Variants in ADCY5 observed in about 807,000 individuals in gnomAD.
ADCY5 encodes the protein adenylate cyclase 5, also known as adenylate cyclase type 5.
In ADCY5, 30 loss-of-function variants were observed where a neutral mutation model predicts 119.7. The ratio of observed to expected loss-of-function variants is 0.25; its 90% CI spans 0.19 to 0.34. The LOEUF is 0.34. Ranked by LOEUF, ADCY5 falls within the 10% of genes least tolerant of loss-of-function variation. The probability of loss-of-function intolerance (pLI) is 1.00; values close to 1 mark genes in which losing one functional copy is unlikely to be tolerated. For missense variants in ADCY5, 1,324 were observed against 1,775.2 expected (o/e 0.75, Z 4.57); for synonymous variants, 753 against 762.2 (o/e 0.99, Z 0.20).
At chr3:123,342,556 C>A (rs1942343005) in intron 3 of ADCY5, among the ~76,000 whole-genome samples, 1 of 152,166 alleles carries the variant, frequency 6.6e-6, no homozygotes, top group Non-Finnish European at 1.5e-5. Flanking sequence ...GTTGGTGAAC[C>A]AAGATCCCCC....
chr3:123,349,316 C>T (rs1474118373), intron 2 of ADCY5, among the ~76,000 whole-genome samples: 4 of 152,204 alleles, frequency 2.6e-5, no homozygotes, highest in East Asian at 3.8e-4. Context: ...CCCTCTGACA[C>T]TCATTCCTTT....
chr3:123,447,837 G>A lies in ADCY5; in HGVS notation c.709C>T (p.Leu237=). The part of the protein sequence containing the change: ...ERLYQRYFFR[L]NQSSLTMLMA... ...AGCATGGTGAGGCTGCTCTGGTTCA[G>A]GCGGAAGAAGTAGCGCTGGTACAGC... Residue 237 remains leucine, a synonymous_variant, in exon 1 of 21, where the codon CTG becomes TTG. Coordinates refer to ENST00000462833, the MANE Select transcript of ADCY5 (RefSeq NM_183357.3). 1 of 1,612,802 alleles carries A rather than the reference G, an allele frequency of 6.2e-7. No individual in the cohort carries two copies. Among genetic ancestry groups the A allele is most frequent in the Non-Finnish European group, 8.5e-7 (1 of 1,179,734 alleles).
chr3:123,437,505 T>A (rs1945640506), intron 1 of ADCY5, among the ~76,000 whole-genome samples: 1 of 152,124 alleles, frequency 6.6e-6, no homozygotes, highest in African/African-American at 2.4e-5. Context: ...CCTTCTCTTA[T>A]CCCAGTTTCT....
At chr3:123,302,730 G>A (rs977244050) in intron 14 of ADCY5, among the ~76,000 whole-genome samples, 10 of 152,316 alleles carry the variant, frequency 6.6e-5, no homozygotes, top group Non-Finnish European at 1.2e-4. Context: ...TCTCTACAAA[G>A]GAGATAATAT....
intron 3 of ADCY5, among the ~76,000 whole-genome samples, chr3:123,344,344 C>A (rs1488140491): frequency 6.6e-6 from 1 of 152,192 alleles, no homozygotes; most frequent in East Asian, 1.9e-4. Context: ...ATCCCCAGGC[C>A]TTTCTTTGTT....
intron 18 of ADCY5, among the ~76,000 whole-genome samples, chr3:123,290,184 C>T (rs992341107): frequency 1.3e-5 from 2 of 152,142 alleles, no homozygotes; most frequent in African/African-American, 4.8e-5. Flanking sequence ...GGCTACCTGC[C>T]CACCCTCACG....
intron 1 of ADCY5, among the ~76,000 whole-genome samples, chr3:123,365,890 G>A (rs1322173621): frequency 2.0e-5 from 3 of 152,072 alleles, no homozygotes; most frequent in Non-Finnish European, 4.4e-5. Flanking sequence ...AGAGGCAGAG[G>A]GAGGGGAGGG....
At chr3:123,403,781 C>T (rs933383212) in intron 1 of ADCY5, among the ~76,000 whole-genome samples, 12 of 152,216 alleles carry the variant, frequency 7.9e-5, no homozygotes, top group African/African-American at 1.9e-4. Context: ...CTCACACATC[C>T]GCCCTGCATG....
intron 8 of ADCY5, among the ~76,000 whole-genome samples, chr3:123,323,772 G>T (rs2108363748): frequency 6.6e-6 from 1 of 152,272 alleles, no homozygotes; most frequent in African/African-American, 2.4e-5. Flanking sequence ...TGATCCTCCT[G>T]CCTCAGCCTC....
chr3:123,379,049 T>C (rs1239830567), intron 1 of ADCY5, among the ~76,000 whole-genome samples: 2 of 152,084 alleles, frequency 1.3e-5, no homozygotes, highest in Admixed American at 6.5e-5. Flanking sequence ...GTTCTCAGAG[T>C]TTCCTACCCT....
chr3:123,389,964 T>A (rs909550930), intron 1 of ADCY5, among the ~76,000 whole-genome samples: 2 of 151,432 alleles, frequency 1.3e-5, no homozygotes, highest in African/African-American at 4.9e-5. Flanking sequence ...AGAGGAGAGG[T>A]ACAATGAGGG....
chr3:123,448,048 C>G lies in ADCY5; in HGVS notation c.498G>C (p.Lys166Asn), dbSNP rs1217095319. ...VEVGLEERRG[K>N]GRAADELEAG... Reference sequence around the variant, plus strand: ...CCTCCAGCTCGTCGGCCGCGCGCCCCTTGCCCCGCCGCTCCTCCAGACCCA... The same window carrying G: ...CCTCCAGCTCGTCGGCCGCGCGCCCGTTGCCCCGCCGCTCCTCCAGACCCA... The change falls in exon 1 of 21, where the codon AAG (lysine) becomes AAC (asparagine). Residue 166 changes from lysine (K) to asparagine (N), a missense_variant. Lys to Asn is a moderately conservative substitution (Grantham distance 94). Around this residue, in one of 6 missense-constraint regions of ADCY5, gnomAD observed 585 missense variants for 569.9 expected, o/e 1.03. Coordinates refer to ENST00000462833, the MANE Select transcript of ADCY5 (RefSeq NM_183357.3). 6.1e-5 allele frequency: 76 copies of G among 1,240,156 alleles called. No individual in the cohort carries two copies. The highest frequency in any genetic ancestry group is 7.3e-5 in the Non-Finnish European group (72 of 991,910). The allele number at this position is 1,240,156 out of a possible 1,614,324, so 76.8% of individuals were successfully genotyped here.
At chr3:123,290,237 CTT>C (rs1285444264) in intron 18 of ADCY5, among the ~76,000 whole-genome samples, 1 of 152,170 alleles carries the variant, frequency 6.6e-6, no homozygotes, top group East Asian at 1.9e-4. Flanking sequence ...CTCTGGGTCT[CTT>C]GTCTCCCCTT....
rs772422115 is a variant in ADCY5, at chr3:123,286,842, C to T, written c.3533-33G>A. The T allele has an allele frequency of 2.6e-6, 4 of 1,562,764 alleles. No individual in the cohort carries two copies. The Admixed American group carries it at 7.6e-5, about 30-fold the overall frequency. ...GGACAGGAATCAGCCACAGTCATCA[C>T]ATCTCTGGCTTGACCTTGCCACCAT... On this transcript the variant is annotated intron_variant, in intron 19 of 20. Coordinates refer to ENST00000462833, the MANE Select transcript of ADCY5 (RefSeq NM_183357.3). The surrounding 1 kb of genome is among the most constrained non-coding windows in gnomAD (Gnocchi z 4.2).
Position 123,327,642 on chromosome 3 carries a change from G to A in ADCY5, c.1923C>T (p.Leu641=), listed in dbSNP as rs748003273. ...YLKEHSIETF[L]ILRCTQKRKE... is the part of the protein sequence containing the mutation. Reference sequence around the variant, plus strand: ...CCCGCTTCTGGGTGCAGCGCAGGATGAGGAAGGTCTCGATACTGTGCTCCT... The same window carrying A: ...CCCGCTTCTGGGTGCAGCGCAGGATAAGGAAGGTCTCGATACTGTGCTCCT... The change falls in exon 7 of 21, where the codon CTC becomes CTT. Residue 641 remains leucine, a synonymous_variant. Transcript: ENST00000462833. 2.5e-5 allele frequency: 40 copies of A among 1,613,970 alleles called. No individual in the cohort carries two copies. In the African/African-American group the frequency reaches 4.0e-4, roughly 16 times the overall value.
chr3:123,290,815 AAC>A (rs1939098389), intron 18 of ADCY5, among the ~76,000 whole-genome samples: 2 of 152,108 alleles, frequency 1.3e-5, no homozygotes, highest in African/African-American at 4.8e-5. Context: ...GCTAAGTTCA[AAC>A]AGTGTGGGCT....
rs894806022 is a variant in ADCY5, at chr3:123,286,941, T to C, written c.3533-132A>G. Reference sequence around the variant, plus strand: ...CCGTGGGCTTCCAGGCCCAAGGCTGTGCTAAACCCTGCAGCCTCCCGCTAC... The same window carrying C: ...CCGTGGGCTTCCAGGCCCAAGGCTGCGCTAAACCCTGCAGCCTCCCGCTAC... On this transcript the variant is annotated intron_variant, in intron 19 of 20. Transcript: ENST00000462833. The surrounding 1 kb of genome is among the most constrained non-coding windows in gnomAD (Gnocchi z 4.2). 4.4e-5 allele frequency: 55 copies of C among 1,256,714 alleles called. No homozygotes were observed. In the African/African-American group the frequency reaches 7.7e-4, roughly 18 times the overall value. The allele number at this position is 1,256,714 out of a possible 1,614,324, so 77.8% of individuals were successfully genotyped here.
Position 123,301,381 on chromosome 3 carries a change from G to C in ADCY5, c.2725-1086C>G, listed in dbSNP as rs187014608. 2.9e-3 allele frequency among the ~76,000 whole-genome samples: 443 copies of C among 152,294 alleles called. 4 individuals carry two copies. Among genetic ancestry groups the C allele is most frequent in the African/African-American group, 9.8e-3 (407 of 41,566 alleles). ...GGGGGGAAGCCTCACATCGCCACTG[G>C]GAACAGGAGCAGAAGAGGGAATGAG... is the stretch of plus-strand genomic sequence containing the variant. On this transcript the variant is annotated intron_variant, in intron 14 of 20. Coordinates refer to ENST00000462833, the MANE Select transcript of ADCY5 (RefSeq NM_183357.3).
chr3:123,401,952 C>T (rs1944767839), intron 1 of ADCY5, among the ~76,000 whole-genome samples: 1 of 152,204 alleles, frequency 6.6e-6, no homozygotes, highest in Non-Finnish European at 1.5e-5. Context: ...ACCTCAGATA[C>T]AGCCTCGACA....
Sources: allele counts gnomAD v4.1 joint callset (sites outside exome capture counted in the v4.1 genomes callset), GRCh38; gene constraint gnomAD v4.1.1; regional missense constraint gnomAD v4.1.1; non-coding constraint Gnocchi (gnomAD v3.1); transcripts MANE v1.5; gene names NCBI Gene and HGNC (gene_info 2026-07-23, HGNC 2026-07-21).